RAD51B: variants seen among roughly 807,000 people sequenced by gnomAD.
The protein encoded by RAD51B is RAD51 paralog B, also known as DNA repair protein RAD51 homolog 2.
In RAD51B, 38 loss-of-function variants were observed where a neutral mutation model predicts 42.2. The observed-to-expected ratio is 0.90, with a 90% CI of 0.70 to 1.18. The LOEUF is 1.18. Among genes scored for constraint, RAD51B ranks in the 50% most tolerant of loss-of-function variants. The pLI is 0.00. For synonymous variants in RAD51B, 154 were observed against 145.2 expected (o/e 1.06, Z -0.43); for missense variants, 373 against 400.7 (o/e 0.93, Z 0.59).
intron 10 of RAD51B, among the ~76,000 whole-genome samples, chr14:68,547,641 C>G (rs551527776): frequency 8.5e-5 from 13 of 152,328 alleles, no homozygotes; most frequent in African/African-American, 3.1e-4. Context: ...TTCCCTCTCT[C>G]TGTTGTCTGT....
chr14:68,410,300 G>T (rs946431186), intron 8 of RAD51B, among the ~76,000 whole-genome samples: 3 of 152,080 alleles, frequency 2.0e-5, no homozygotes, highest in African/African-American at 4.8e-5. Context: ...AAAGGTGTCT[G>T]CCCTGGAAAA....
intron 7 of RAD51B, among the ~76,000 whole-genome samples, chr14:68,063,796 C>T (rs1056283407): frequency 2.0e-5 from 3 of 152,098 alleles, no homozygotes; most frequent in African/African-American, 7.2e-5. Flanking sequence ...AGCATATAGT[C>T]GGATCTTGTT....
intron 10 of RAD51B, among the ~76,000 whole-genome samples, chr14:68,626,424 AT>A (rs1348497347): frequency 6.6e-6 from 1 of 152,200 alleles, no homozygotes; most frequent in Non-Finnish European, 1.5e-5. Flanking sequence ...AAAACAATGC[AT>A]TTTTATCTCT....
chr14:67,951,045 A>G (rs150667273), intron 7 of RAD51B, among the ~76,000 whole-genome samples: 1 of 152,208 alleles, frequency 6.6e-6, no homozygotes, highest in African/African-American at 2.4e-5. Context: ...ACAGATCATC[A>G]TAACAGGTAT....
chr14:68,134,585 C>T (rs1054311957), intron 7 of RAD51B, among the ~76,000 whole-genome samples: 3 of 152,096 alleles, frequency 2.0e-5, no homozygotes, highest in African/African-American at 7.2e-5. Context: ...GATCCAAAAT[C>T]ATTTAGCGTT....
chr14:68,189,630 T>A (rs909243297), intron 7 of RAD51B, among the ~76,000 whole-genome samples: 1 of 152,010 alleles, frequency 6.6e-6, no homozygotes, highest in Non-Finnish European at 1.5e-5. Flanking sequence ...ATTTATTCCT[T>A]ATAGAAAAAA....
chr14:68,043,916 T>C (rs2076255287), intron 7 of RAD51B, among the ~76,000 whole-genome samples: 1 of 152,144 alleles, frequency 6.6e-6, no homozygotes, highest in South Asian at 2.1e-4. Flanking sequence ...GCAGAAAAGG[T>C]TGTAAAAGAA....
At chr14:68,307,194 T>A (rs749808464) in intron 8 of RAD51B, among the ~76,000 whole-genome samples, 5 of 151,908 alleles carry the variant, frequency 3.3e-5, no homozygotes, top group Admixed American at 6.6e-5. Flanking sequence ...ATCCACACAC[T>A]CTCCAGTGTG....
intron 10 of RAD51B, among the ~76,000 whole-genome samples, chr14:68,512,287 C>T (rs148587108): frequency 3.9e-5 from 6 of 152,298 alleles, no homozygotes; most frequent in East Asian, 1.9e-4. Flanking sequence ...TGAGGGCTGG[C>T]GGGAACCCAG....
intron 5 of RAD51B, among the ~76,000 whole-genome samples, chr14:67,880,007 A>C (rs958627142): frequency 5.3e-5 from 8 of 152,200 alleles, no homozygotes; most frequent in Admixed American, 3.3e-4. Flanking sequence ...ATATTTACCT[A>C]TGCATGATTT....
At chr14:68,318,194 A>C (rs949025609) in intron 8 of RAD51B, among the ~76,000 whole-genome samples, 3 of 152,240 alleles carry the variant, frequency 2.0e-5, no homozygotes, top group Admixed American at 2.0e-4. Context: ...AATTTGTGCC[A>C]GATTTGTAAG....
chr14:68,223,425 C>T lies in RAD51B; in HGVS notation c.757-68459C>T, dbSNP rs1176400660. Among the ~76,000 whole-genome samples, 3 of 152,234 alleles carry T rather than the reference C, an allele frequency of 2.0e-5. No homozygotes were observed. In the East Asian group the frequency reaches 5.8e-4, roughly 29 times the overall value. The stretch of plus-strand genomic sequence containing the variant: ...ACAAACACGTGTGTGCCTGGAAGCA[C>T]ATACATGTAGTATTCACCCAAGTCG... On this transcript the variant is annotated intron_variant, in intron 7 of 10. Coordinates refer to ENST00000471583, the MANE Select transcript of RAD51B (RefSeq NM_133510.4).
At chr14:67,926,038 G>A (rs1433558042) in intron 7 of RAD51B, among the ~76,000 whole-genome samples, 2 of 152,136 alleles carry the variant, frequency 1.3e-5, no homozygotes, top group African/African-American at 4.8e-5. Flanking sequence ...CGGTAGGAGG[G>A]GCTCCCATGA....
intron 7 of RAD51B, among the ~76,000 whole-genome samples, chr14:68,083,988 G>A (rs1435893983): frequency 6.6e-6 from 1 of 152,168 alleles, no homozygotes; most frequent in Admixed American, 6.5e-5. Flanking sequence ...TCCCAAAGCT[G>A]TAAGAAGCAA....
In RAD51B at chr14:67,922,562, T is replaced by A. The variant is rs114015386; in HGVS notation, c.756+35358T>A. On this transcript the variant is annotated intron_variant, in intron 7 of 10. Coordinates refer to ENST00000471583, the MANE Select transcript of RAD51B (RefSeq NM_133510.4). The stretch of plus-strand genomic sequence containing the variant: ...TATGTACTTAATTTTTTTTTTTTTT[T>A]AAATTTCAATAGGTTTTTCAGGAAG... Among the ~76,000 whole-genome samples the A allele has an allele frequency of 3.5e-3, 535 of 151,668 alleles. 2 individuals are homozygous for A. Among genetic ancestry groups the A allele is most frequent in the African/African-American group, 0.011 (436 of 41,412 alleles).
intron 10 of RAD51B, among the ~76,000 whole-genome samples, chr14:68,608,227 G>A (rs1891531545): frequency 6.6e-6 from 1 of 152,202 alleles, no homozygotes; most frequent in South Asian, 2.1e-4. Context: ...CTGATGAAGA[G>A]CAAACAACTC....
At chr14:68,334,589 C>A (rs550723513) in intron 8 of RAD51B, among the ~76,000 whole-genome samples, 1 of 152,002 alleles carries the variant, frequency 6.6e-6, no homozygotes, top group South Asian at 2.1e-4. Context: ...CAGTTCAAAC[C>A]TGTGTTGTTC....
At chr14:68,270,147 A>G (rs1160784581) in intron 7 of RAD51B, among the ~76,000 whole-genome samples, 8 of 152,306 alleles carry the variant, frequency 5.3e-5, no homozygotes, top group East Asian at 1.9e-4. Context: ...TGCTTCTTCA[A>G]TTCCTTTAGT....
intron 8 of RAD51B, among the ~76,000 whole-genome samples, chr14:68,299,697 T>A (rs1595678284): frequency 6.6e-6 from 1 of 152,220 alleles, no homozygotes. Flanking sequence ...AGTGGCAGAG[T>A]CAGGATTTCC....
Sources: gnomAD v4.1 joint callset for allele counts (sites outside exome capture counted in the v4.1 genomes callset) on GRCh38, gnomAD v4.1.1 for gene constraint, MANE v1.5 for transcripts, NCBI Gene and HGNC (gene_info 2026-07-23, HGNC 2026-07-21) for gene names.